Variants in CACNB2 observed in about 807,000 individuals in gnomAD.
CACNB2 encodes the protein voltage-dependent L-type calcium channel subunit beta-2.
In CACNB2, 42 loss-of-function variants were observed where a neutral mutation model predicts 73.3. The observed-to-expected ratio is 0.57, with a 90% CI of 0.45 to 0.74. CACNB2 has a LOEUF of 0.74. Ranked by LOEUF, CACNB2 falls within the 30% of genes least tolerant of loss-of-function variation. The pLI is 0.00. For missense variants in CACNB2, 940 were observed against 853.0 expected (o/e 1.10, Z -1.27); for synonymous variants, 348 against 310.3 (o/e 1.12, Z -1.28).
At chr10:18,195,052 C>A (rs1447633291) in intron 2 of CACNB2, among the ~76,000 whole-genome samples, 1 of 151,950 alleles carries the variant, frequency 6.6e-6, no homozygotes, top group Non-Finnish European at 1.5e-5. Context: ...AATATATGAC[C>A]AAGTATAATG....
At chr10:18,346,806 A>G (rs1408988308) in intron 2 of CACNB2, among the ~76,000 whole-genome samples, 1 of 151,888 alleles carries the variant, frequency 6.6e-6, no homozygotes, top group Non-Finnish European at 1.5e-5. Context: ...TTTGTTACCC[A>G]GGCTGGTCTG....
chr10:18,286,585 C>G (rs1228981096), intron 2 of CACNB2, among the ~76,000 whole-genome samples: 18 of 138,226 alleles, frequency 1.3e-4, no homozygotes, highest in Non-Finnish European at 2.8e-4. Context: ...ATCATGTTAT[C>G]TATCTAACCA....
At chr10:18,240,046 A>G (rs918183506) in intron 2 of CACNB2, among the ~76,000 whole-genome samples, 1 of 152,174 alleles carries the variant, frequency 6.6e-6, no homozygotes. Flanking sequence ...ATATTTAAAA[A>G]CTTTTTTAAA....
intron 2 of CACNB2, among the ~76,000 whole-genome samples, chr10:18,242,501 A>G (rs899579234): frequency 5.3e-5 from 8 of 152,214 alleles, no homozygotes; most frequent in African/African-American, 1.9e-4. Flanking sequence ...TTAAAATAGT[A>G]AACTGCATTA....
At chr10:18,488,289 C>T (rs2049180107) in intron 3 of CACNB2, among the ~76,000 whole-genome samples, 2 of 151,186 alleles carry the variant, frequency 1.3e-5, no homozygotes, top group South Asian at 4.2e-4. Context: ...TCCTGGCTAA[C>T]AAGGTGAAAC....
At chr10:18,253,007 G>A (rs1048449083) in intron 2 of CACNB2, among the ~76,000 whole-genome samples, 2 of 152,186 alleles carry the variant, frequency 1.3e-5, no homozygotes, top group African/African-American at 4.8e-5. Context: ...GAGGTTTAAA[G>A]CCATGGGCTC....
intron 2 of CACNB2, among the ~76,000 whole-genome samples, chr10:18,369,990 A>T (rs926467935): frequency 6.6e-6 from 1 of 152,236 alleles, no homozygotes; most frequent in Admixed American, 6.5e-5. Flanking sequence ...ATGACCTGCC[A>T]ACCTCCCAGT....
At chr10:18,462,133 C>T (rs1246930037) in intron 3 of CACNB2, among the ~76,000 whole-genome samples, 3 of 152,152 alleles carry the variant, frequency 2.0e-5, no homozygotes, top group African/African-American at 7.2e-5. Flanking sequence ...AATCTTTCTC[C>T]AGAGCTTTGT....
intron 2 of CACNB2, among the ~76,000 whole-genome samples, chr10:18,181,173 C>G (rs1207724018): frequency 6.6e-6 from 1 of 151,952 alleles, no homozygotes; most frequent in Non-Finnish European, 1.5e-5. Context: ...TCACCTTGCC[C>G]TCTAGAACTG....
chr10:18,153,453 GA>G (rs2031769637), intron 2 of CACNB2, among the ~76,000 whole-genome samples: 1 of 151,956 alleles, frequency 6.6e-6, no homozygotes, highest in Non-Finnish European at 1.5e-5. Flanking sequence ...GCTGCCATTT[GA>G]AAATAAGTAA....
At chr10:18,353,021 T>C (rs921201380) in intron 2 of CACNB2, among the ~76,000 whole-genome samples, 1 of 152,188 alleles carries the variant, frequency 6.6e-6, no homozygotes, top group African/African-American at 2.4e-5. Flanking sequence ...AAAAGGATAA[T>C]GAAAGAAATC....
intron 9 of CACNB2, among the ~76,000 whole-genome samples, chr10:18,520,859 TACAC>T (rs1444154167): frequency 6.6e-6 from 1 of 152,244 alleles, no homozygotes; most frequent in African/African-American, 2.4e-5. Flanking sequence ...TATGCACACA[TACAC>T]ATGCACACAT....
chr10:18,416,252 C>A (rs958438400), intron 3 of CACNB2, among the ~76,000 whole-genome samples: 2 of 152,186 alleles, frequency 1.3e-5, no homozygotes, highest in Non-Finnish European at 1.5e-5. Context: ...ATGATATCCT[C>A]AAGATTCATC....
Position 18,499,633 on chromosome 10 carries a change from A to ACCTAG in CACNB2, c.456+1156_456+1157insCCTAG, listed in dbSNP as rs1564621876. ...TGTCTCAAAGAAAAAAAAAAAAAAA[A>ACCTAG]AAAAAAGAACCTAGAAGCCTGGGTA... On this transcript the variant is annotated intron_variant, in intron 4 of 13. Transcript: ENST00000324631. 3.6e-3 allele frequency among the ~76,000 whole-genome samples: 373 copies of ACCTAG among 104,462 alleles called. 7 individuals are homozygous for ACCTAG. The highest frequency in any genetic ancestry group is 0.011 in the African/African-American group (335 of 30,364). 68.5% of individuals were successfully genotyped at this position (104,462 alleles called of 152,430 possible).
chr10:18,463,760 C>A (rs979166389), intron 3 of CACNB2, among the ~76,000 whole-genome samples: 3 of 152,060 alleles, frequency 2.0e-5, no homozygotes, highest in Non-Finnish European at 4.4e-5. Flanking sequence ...AGCATCTAGT[C>A]ATCCCCTCTC....
At chr10:18,395,502 A>G (rs905553767) in intron 2 of CACNB2, among the ~76,000 whole-genome samples, 3 of 152,194 alleles carry the variant, frequency 2.0e-5, no homozygotes, top group African/African-American at 7.2e-5. Context: ...GAAAGCTTTA[A>G]TCTTTTTTAC....
At chr10:18,512,655 C>G (rs2050877805) in intron 6 of CACNB2, among the ~76,000 whole-genome samples, 1 of 152,120 alleles carries the variant, frequency 6.6e-6, no homozygotes, top group Non-Finnish European at 1.5e-5. Context: ...ATAGGAAACA[C>G]TACAATCAAC....
intron 2 of CACNB2, among the ~76,000 whole-genome samples, chr10:18,220,222 T>TAGAG (rs1564353733): frequency 2.3e-4 from 11 of 48,256 alleles, no homozygotes; most frequent in African/African-American, 3.7e-4. Flanking sequence ...TATATATATA[T>TAGAG]ATATATATAT....
At chr10:18,498,575 G>A (rs1370274020) in intron 4 of CACNB2, 98 bp downstream of exon 4, 8 of 1,155,410 alleles carry the variant, frequency 6.9e-6, no homozygotes, top group Non-Finnish European at 1.0e-5. Flanking sequence ...AAGTAGCATT[G>A]CACATCGCTG....
Sources: gnomAD v4.1 joint callset for allele counts (sites outside exome capture counted in the v4.1 genomes callset) on GRCh38, gnomAD v4.1.1 for gene constraint, MANE v1.5 for transcripts, NCBI Gene and HGNC (gene_info 2026-07-23, HGNC 2026-07-21) for gene names.